ERC2: variants seen among roughly 807,000 people sequenced by gnomAD.
The protein encoded by ERC2 is ERC protein 2.
In ERC2, 42 loss-of-function variants were observed where a neutral mutation model predicts 114.8. The observed-to-expected ratio is 0.37, with a 90% CI of 0.29 to 0.47. The LOEUF (loss-of-function observed/expected upper bound fraction) is 0.47, where lower values mean the gene tolerates loss of function less well. Ranked by LOEUF, ERC2 falls within the 20% of genes least tolerant of loss-of-function variation. The pLI, the probability that ERC2 is intolerant of heterozygous loss-of-function variation, is 0.99. For synonymous variants in ERC2, 454 were observed against 425.5 expected, an observed-to-expected ratio of 1.07 and a Z score of -0.82; for missense variants, 939 against 1,150.7, an observed-to-expected ratio of 0.82 and a Z score of 2.66.
intron 14 of ERC2, among the ~76,000 whole-genome samples, chr3:55,747,400 G>A (rs2066376231): frequency 6.6e-6 from 1 of 151,980 alleles, no homozygotes; most frequent in Non-Finnish European, 1.5e-5. Context: ...CATTTGCTAA[G>A]AGAACACCCA....
chr3:55,960,683 C>T (rs1312129842), intron 12 of ERC2, among the ~76,000 whole-genome samples: 1 of 152,200 alleles, frequency 6.6e-6, no homozygotes, highest in Non-Finnish European at 1.5e-5. Context: ...TACCCATGTC[C>T]TCTCTGGCCC....
chr3:56,224,037 A>C (rs535612807), intron 3 of ERC2, among the ~76,000 whole-genome samples: 1 of 152,206 alleles, frequency 6.6e-6, no homozygotes, highest in Non-Finnish European at 1.5e-5. Context: ...AATTAGTTTC[A>C]CTAAGTAATA....
At chr3:56,152,388 T>G (rs1163621497) in intron 4 of ERC2, among the ~76,000 whole-genome samples, 1 of 142,254 alleles carries the variant, frequency 7.0e-6, no homozygotes, top group Admixed American at 7.5e-5. Context: ...AAGGGAAAAC[T>G]TGCCACAATC....
intron 17 of ERC2, among the ~76,000 whole-genome samples, chr3:55,516,597 A>G (rs531829291): frequency 1.3e-5 from 2 of 152,248 alleles, no homozygotes; most frequent in South Asian, 4.1e-4. Flanking sequence ...CACTGCTGTT[A>G]GGGATGACGG....
chr3:56,407,823 C>G lies in ERC2; in HGVS notation c.657+26528G>C, dbSNP rs182118646. ...CGACAGCAGGTAGATACACCCTAAACCTGTTTCCCTGTACTCCCATCATAC... is the reference window on the plus strand; with the variant it reads ...CGACAGCAGGTAGATACACCCTAAAGCTGTTTCCCTGTACTCCCATCATAC... On this transcript the variant is annotated intron_variant, in intron 2 of 17. Coordinates refer to ENST00000288221, the MANE Select transcript of ERC2 (RefSeq NM_015576.3). Among the ~76,000 whole-genome samples the G allele has an allele frequency of 2.0e-5, 3 of 152,242 alleles. No homozygotes were observed. In the East Asian group the frequency reaches 5.8e-4, roughly 29 times the overall value.
At chr3:55,784,514 T>A (rs2069324466) in intron 14 of ERC2, among the ~76,000 whole-genome samples, 1 of 152,176 alleles carries the variant, frequency 6.6e-6, no homozygotes, top group South Asian at 2.1e-4. Flanking sequence ...TTGAAATTCT[T>A]TATAGGAGCT....
intron 14 of ERC2, among the ~76,000 whole-genome samples, chr3:55,744,579 C>T (rs1015153394): frequency 1.4e-4 from 21 of 152,150 alleles, no homozygotes; most frequent in Admixed American, 4.6e-4. Context: ...GCTTTCAGAC[C>T]GATTGCGGGC....
intron 3 of ERC2, among the ~76,000 whole-genome samples, chr3:56,283,663 C>T (rs2054497785): frequency 6.6e-6 from 1 of 152,154 alleles, no homozygotes; most frequent in African/African-American, 2.4e-5. Context: ...ACCAGGATTA[C>T]TTTCTAGCAC....
intron 13 of ERC2, among the ~76,000 whole-genome samples, chr3:55,938,692 C>T (rs376503756): frequency 2.0e-5 from 3 of 152,140 alleles, no homozygotes; most frequent in African/African-American, 7.2e-5. Context: ...CTTTCACAGC[C>T]AAAAAAGTAC....
intron 17 of ERC2, among the ~76,000 whole-genome samples, chr3:55,662,295 G>A (rs2061171999): frequency 6.6e-6 from 1 of 152,208 alleles, no homozygotes; most frequent in South Asian, 2.1e-4. Flanking sequence ...TCTTGTTTGT[G>A]ATAGCAAAAC....
intron 6 of ERC2, among the ~76,000 whole-genome samples, chr3:56,087,242 T>A (rs547754269): frequency 6.6e-6 from 1 of 151,510 alleles, no homozygotes; most frequent in South Asian, 2.1e-4. Context: ...ATATGAAAAT[T>A]TAACCTTTTA....
chr3:55,562,723 A>G (rs1486898329), intron 17 of ERC2, among the ~76,000 whole-genome samples: 1 of 151,968 alleles, frequency 6.6e-6, no homozygotes, highest in Admixed American at 6.6e-5. Context: ...TTCCAGCTGC[A>G]CGGTCTTTTA....
chr3:56,243,320 T>A (rs924613653), intron 3 of ERC2, among the ~76,000 whole-genome samples: 7 of 152,158 alleles, frequency 4.6e-5, no homozygotes, highest in African/African-American at 1.7e-4. Context: ...TTAGACTTAA[T>A]CTCTTTAGAC....
At chr3:55,888,339 T>C in intron 14 of ERC2, 50 bp downstream of exon 14, 4 of 1,602,166 alleles carry the variant, frequency 2.5e-6, no homozygotes, top group Admixed American at 3.4e-5. Flanking sequence ...TTTCCCACTC[T>C]CAAGAGAGGC....
In ERC2 at chr3:56,016,442, A is replaced by G. The variant is rs1283248999; in HGVS notation, c.1779+2452T>C. Among the ~76,000 whole-genome samples, 3 of 144,474 alleles carry G rather than the reference A, an allele frequency of 2.1e-5. No homozygotes were observed. In the South Asian group the frequency reaches 6.6e-4, roughly 32 times the overall value. 94.8% of individuals were successfully genotyped at this position (144,474 alleles called of 152,430 possible). ...CTTTTTTTTTCTTTTTTTTTTTTTA[A>G]TAACTTTTTAATTTAACTCCAAAAA... On this transcript the variant is annotated intron_variant, in intron 8 of 17. Coordinates refer to ENST00000288221, the MANE Select transcript of ERC2 (RefSeq NM_015576.3).
intron 16 of ERC2, among the ~76,000 whole-genome samples, chr3:55,687,671 C>T (rs534302662): frequency 6.6e-6 from 1 of 152,302 alleles, no homozygotes; most frequent in South Asian, 2.1e-4. Context: ...GCCTCCACCC[C>T]TAATTCATTC....
chr3:55,823,302 CT>C (rs1259821146), intron 14 of ERC2, among the ~76,000 whole-genome samples: 2 of 152,186 alleles, frequency 1.3e-5, no homozygotes, highest in African/African-American at 4.8e-5. Context: ...ATGCAATGTT[CT>C]TTTAAAATCC....
At chr3:56,054,124 C>T (rs1443972841) in intron 7 of ERC2, among the ~76,000 whole-genome samples, 1 of 152,194 alleles carries the variant, frequency 6.6e-6, no homozygotes, top group Non-Finnish European at 1.5e-5. Context: ...TAAAGTTATA[C>T]TCTCTGGAAA....
At chr3:55,963,038 G>A (rs1220175491) in intron 12 of ERC2, among the ~76,000 whole-genome samples, 1 of 152,186 alleles carries the variant, frequency 6.6e-6, no homozygotes, top group Non-Finnish European at 1.5e-5. Flanking sequence ...CATTATTTGG[G>A]AACATTAGCT....
Sources: gnomAD v4.1 joint callset for allele counts (sites outside exome capture counted in the v4.1 genomes callset) on GRCh38, gnomAD v4.1.1 for gene constraint, MANE v1.5 for transcripts, NCBI Gene and HGNC (gene_info 2026-07-23, HGNC 2026-07-21) for gene names.